FSTL4: variants seen among roughly 807,000 people sequenced by gnomAD.
FSTL4 encodes follistatin-related protein 4.
FSTL4 carries 28 observed loss-of-function variants against 78.2 expected under a neutral mutation model. The ratio of observed to expected loss-of-function variants is 0.36; its 90% CI spans 0.27 to 0.49. FSTL4 has a LOEUF of 0.49. Ranked by LOEUF, FSTL4 falls within the 20% of genes least tolerant of loss-of-function variation. FSTL4 has a pLI of 0.98. For missense variants in FSTL4, 922 were observed against 1,084.9 expected, an observed-to-expected ratio of 0.85 and a Z score of 2.11; for synonymous variants, 422 against 440.5, an observed-to-expected ratio of 0.96 and a Z score of 0.53.
chr5:133,370,026 G>A (rs78647204), intron 4 of FSTL4, among the ~76,000 whole-genome samples: 1,910 of 152,110 alleles, frequency 0.013, 44 homozygotes, highest in African/African-American at 0.044. Flanking sequence ...CAAGCCAAGA[G>A]CATCCTACTG....
the FSTL4 span, among the ~76,000 whole-genome samples, chr5:133,788,556 C>T: frequency 6.6e-6 from 1 of 152,228 alleles, no homozygotes. Context: ...CACAGCACTG[C>T]CCATGTCTCT....
the FSTL4 span, among the ~76,000 whole-genome samples, chr5:133,815,459 C>A: frequency 2.5e-3 from 375 of 152,280 alleles, 1 homozygote; most frequent in Non-Finnish European, 4.1e-3. Flanking sequence ...CTGAGGCTTT[C>A]TGGACTATTT....
intron 4 of FSTL4, among the ~76,000 whole-genome samples, chr5:133,375,312 A>ATATATATAT (rs1554109201): frequency 1.6e-4 from 22 of 134,674 alleles, no homozygotes; most frequent in African/African-American, 2.4e-4. Context: ...ATATATATAT[A>ATATATATAT]AAAGACTCTA....
intron 3 of FSTL4, among the ~76,000 whole-genome samples, chr5:133,447,713 T>G (rs1272934680): frequency 6.6e-6 from 1 of 152,182 alleles, no homozygotes; most frequent in Non-Finnish European, 1.5e-5. Flanking sequence ...CTAATTTTTG[T>G]ATTTTTAGTA....
chr5:133,638,688 C>G, the FSTL4 span, among the ~76,000 whole-genome samples: 1 of 152,184 alleles, frequency 6.6e-6, no homozygotes, highest in Non-Finnish European at 1.5e-5. Flanking sequence ...ATAGCACTTA[C>G]TGTCTTTCAG....
the FSTL4 span, among the ~76,000 whole-genome samples, chr5:133,828,861 C>T: frequency 1.3e-5 from 2 of 152,202 alleles, no homozygotes; most frequent in Non-Finnish European, 2.9e-5. Context: ...ATACGAAGTG[C>T]TTGCTTCACT....
chr5:133,512,364 G>A (rs1212203698), intron 3 of FSTL4, among the ~76,000 whole-genome samples: 2 of 152,232 alleles, frequency 1.3e-5, no homozygotes, highest in African/African-American at 4.8e-5. Context: ...AAATGACACA[G>A]TGAGCAAACA....
At chr5:133,818,931 C>CTATATATATATATATATATATATA in the FSTL4 span, among the ~76,000 whole-genome samples, 1,244 of 61,662 alleles carry the variant, frequency 0.02, 199 homozygotes, top group Middle Eastern at 0.036. Context: ...TTAGAAGATA[C>CTATATATATATATATATATATATA]TATATATATA....
At chr5:133,395,300 G>A (rs1187195515) in intron 4 of FSTL4, among the ~76,000 whole-genome samples, 4 of 152,090 alleles carry the variant, frequency 2.6e-5, no homozygotes, top group African/African-American at 7.2e-5. Context: ...GCGAGACAAC[G>A]AACCCAGCGG....
the FSTL4 span, among the ~76,000 whole-genome samples, chr5:133,705,363 T>C: frequency 6.6e-6 from 1 of 152,150 alleles, no homozygotes; most frequent in African/African-American, 2.4e-5. Flanking sequence ...CCAGCCAGAA[T>C]ATATATTTTA....
chr5:133,499,344 C>T (rs1758438427), intron 3 of FSTL4, among the ~76,000 whole-genome samples: 1 of 145,760 alleles, frequency 6.9e-6, no homozygotes, highest in Admixed American at 6.9e-5. Context: ...TGGTAGGATT[C>T]CCCTAGTAAG....
Position 133,312,665 on chromosome 5 carries a change from T to C in FSTL4, c.716A>G (p.Tyr239Cys). The change falls in exon 6 of 16, where the codon TAC (tyrosine) becomes TGC (cysteine). Residue 239 changes from tyrosine (Y) to cysteine (C), a missense_variant. Coordinates refer to ENST00000265342, the MANE Select transcript of FSTL4 (RefSeq NM_015082.2). ...SDSSLTLREF[Y>C]MAFQVVQLSL... ...GGGACCCAACTTACGGAAGGCCATG[T>C]AGAACTCGCGGAGGGTCAGGGAGCT... The C allele has an allele frequency of 6.2e-7, 1 of 1,614,052 alleles. No individual in the cohort carries two copies.
chr5:133,279,328 G>A (rs936518768), intron 6 of FSTL4, among the ~76,000 whole-genome samples: 5 of 152,178 alleles, frequency 3.3e-5, no homozygotes, highest in African/African-American at 1.2e-4. Context: ...TTTAGGTAAT[G>A]TGCTCCTTAT....
intron 3 of FSTL4, among the ~76,000 whole-genome samples, chr5:133,449,713 T>G (rs1346856598): frequency 6.6e-6 from 1 of 152,236 alleles, no homozygotes; most frequent in Non-Finnish European, 1.5e-5. Flanking sequence ...CCCAGACTTC[T>G]GTCTGAGATG....
At chr5:133,363,291 T>G (rs1362056381) in intron 4 of FSTL4, among the ~76,000 whole-genome samples, 1 of 152,002 alleles carries the variant, frequency 6.6e-6, no homozygotes, top group African/African-American at 2.4e-5. Flanking sequence ...TTTCCATGAG[T>G]GGGGGTGTTC....
the FSTL4 span, among the ~76,000 whole-genome samples, chr5:133,701,927 T>C: frequency 1.3e-5 from 2 of 152,150 alleles, no homozygotes; most frequent in Non-Finnish European, 1.5e-5. Flanking sequence ...AGGAAACCTA[T>C]GTAGAGCACA....
chr5:133,482,108 C>T (rs958576585), intron 3 of FSTL4, among the ~76,000 whole-genome samples: 3 of 152,208 alleles, frequency 2.0e-5, no homozygotes, highest in African/African-American at 4.8e-5. Flanking sequence ...GATGCAAAAA[C>T]GTCCATATTG....
chr5:133,224,333 A>T (rs1361291773), intron 10 of FSTL4, 117 bp from the exon 11 acceptor site: 1 of 738,228 alleles, frequency 1.4e-6, no homozygotes. Context: ...TACCTAGTCC[A>T]TCACTTACAG....
chr5:133,741,709 T>C, the FSTL4 span, among the ~76,000 whole-genome samples: 1 of 152,190 alleles, frequency 6.6e-6, no homozygotes, highest in Admixed American at 6.6e-5. Context: ...AACTCATGTA[T>C]CCACACTCCC....
Sources: allele counts gnomAD v4.1 joint callset (sites outside exome capture counted in the v4.1 genomes callset), GRCh38; gene constraint gnomAD v4.1.1; transcripts MANE v1.5; gene names NCBI Gene and HGNC (gene_info 2026-07-23, HGNC 2026-07-21).